The following POMZP3 variants were observed in gnomAD, a reference collection of about 807,000 sequenced individuals.
POMZP3 encodes POM121 and ZP3 fusion.
A neutral mutation model predicts 19.8 loss-of-function variants in POMZP3; 10 were observed. That is an observed-to-expected ratio of 0.51 (90% CI 0.31 to 0.86). POMZP3 has a LOEUF of 0.86. Among genes scored for constraint, POMZP3 ranks in the 40% least tolerant of loss-of-function variants. POMZP3 has a pLI of 0.04. For missense variants in POMZP3, 152 were observed against 228.1 expected (o/e 0.67, Z 2.15); for synonymous variants, 57 against 85.8 (o/e 0.66, Z 1.85).
chr7:76,625,684 C>T lies in POMZP3; in HGVS notation c.66-1G>A. The T allele has an allele frequency of 6.2e-7, 1 of 1,613,062 alleles. No individual in the cohort carries two copies. The highest frequency in any genetic ancestry group is 8.5e-7 in the Non-Finnish European group (1 of 1,179,548). On this transcript the variant is annotated splice_acceptor_variant, in intron 2 of 6. Transcript: ENST00000310842. LOFTEE classifies it high-confidence loss of function. Reference sequence around the variant, plus strand: ...TGTTGAGCTGATTATCTGCTCTGGTCTATAATGAAAGACAGGATTCTAGCA... The same window carrying T: ...TGTTGAGCTGATTATCTGCTCTGGTTTATAATGAAAGACAGGATTCTAGCA...
rs752303123 is a variant in POMZP3, at chr7:76,620,860, C to CTTTTTTTT, written c.228-2561_228-2560insAAAAAAAA. On this transcript the variant is annotated intron_variant, in intron 3 of 6. Coordinates refer to ENST00000310842, the MANE Select transcript of POMZP3 (RefSeq NM_012230.5). ...GGTTTACTCCTCAGGGCTGTAAAGC[C>CTTTTTTTT]ATTTTTTTTTTTTTTTTTTTTTTTT... 1.0e-3 allele frequency among the ~76,000 whole-genome samples: 102 copies of CTTTTTTTT among 100,226 alleles called. 1 individual carries two copies. The highest frequency in any genetic ancestry group is 1.4e-3 in the Non-Finnish European group (75 of 52,792). 65.8% of individuals were successfully genotyped at this position (100,226 alleles called of 152,430 possible). A position where few individuals can be genotyped will look rare whatever the true frequency, so the allele number is the denominator to read the frequency against.
intron 3 of POMZP3, among the ~76,000 whole-genome samples, chr7:76,622,880 T>C (rs1031728965): frequency 1.7e-4 from 26 of 151,930 alleles, no homozygotes; most frequent in African/African-American, 6.3e-4. Context: ...TCCTTTTTTT[T>C]TTTCTTTTTG....
At chr7:76,614,564 CA>C (rs749162077) in intron 4 of POMZP3, among the ~76,000 whole-genome samples, 653 of 47,836 alleles carry the variant, frequency 0.014, 145 homozygotes, top group Non-Finnish European at 0.021. Context: ...CCATTTCCCC[CA>C]AAAAAAAAAA....
intron 3 of POMZP3, among the ~76,000 whole-genome samples, chr7:76,618,811 T>C (rs917999865): frequency 2.0e-5 from 3 of 151,800 alleles, no homozygotes; most frequent in Admixed American, 2.0e-4. Context: ...ATTTATTTAT[T>C]TTTTGAGACA....
At chr7:76,612,906 A>T (rs1815161206) in intron 4 of POMZP3, among the ~76,000 whole-genome samples, 1 of 80,726 alleles carries the variant, frequency 1.2e-5, no homozygotes, top group Non-Finnish European at 2.4e-5. Flanking sequence ...TTTCAGACTT[A>T]AGAGGTTTTT....
At chr7:76,615,980 A>G (rs1250084893) in intron 4 of POMZP3, among the ~76,000 whole-genome samples, 1 of 63,288 alleles carries the variant, frequency 1.6e-5, no homozygotes, top group Non-Finnish European at 3.1e-5. Context: ...TCTCAAAAAA[A>G]AAAAAAAAAG....
chr7:76,622,136 G>A (rs1815598786), intron 3 of POMZP3, among the ~76,000 whole-genome samples: 1 of 146,340 alleles, frequency 6.8e-6, no homozygotes, highest in African/African-American at 2.5e-5. Flanking sequence ...AAAAAGGGGA[G>A]GCATGAATAA....
At chr7:76,617,452 C>A (rs1483445486) in intron 4 of POMZP3, among the ~76,000 whole-genome samples, 5 of 79,280 alleles carry the variant, frequency 6.3e-5, no homozygotes, top group Admixed American at 2.5e-4. Flanking sequence ...AAGGGGAGGA[C>A]CCAGACTGGC....
chr7:76,621,538 G>C (rs1043412328), intron 3 of POMZP3: 7 of 151,774 alleles, frequency 4.6e-5, no homozygotes, highest in African/African-American at 1.7e-4. Context: ...ATAAAATGAG[G>C]CTGAGACCTA....
Position 76,617,019 on chromosome 7 carries a change from G to T in POMZP3, c.345+1164C>A, listed in dbSNP as rs1267974503. Reference sequence around the variant, plus strand: ...CTAGAAATACAAAAAAATTAGCCAGGCATGGTGGCGGGTACCTGTACTCCC... The same window carrying T: ...CTAGAAATACAAAAAAATTAGCCAGTCATGGTGGCGGGTACCTGTACTCCC... On this transcript the variant is annotated intron_variant, in intron 4 of 6. Transcript: ENST00000310842. Among the ~76,000 whole-genome samples, 3 of 95,248 alleles carry T rather than the reference G, an allele frequency of 3.1e-5. 1 individual carries two copies. The highest frequency in any genetic ancestry group is 6.9e-5 in the Non-Finnish European group (3 of 43,756). 62.5% of individuals were successfully genotyped at this position (95,248 alleles called of 152,430 possible).
intron 4 of POMZP3, among the ~76,000 whole-genome samples, chr7:76,613,501 C>G (rs113703503): frequency 0.3 from 23,959 of 79,474 alleles, 5,433 homozygotes; most frequent in African/African-American, 0.47. Context: ...GCACTGCCCC[C>G]CTACCCTTTT....
At chr7:76,611,347 C>G in intron 6 of POMZP3, 107 bp downstream of exon 6, 1 of 1,157,308 alleles carries the variant, frequency 8.6e-7, no homozygotes, top group Non-Finnish European at 1.2e-6. Context: ...TAGGTACAAA[C>G]AGTTTTAATG....
In POMZP3 at chr7:76,625,658, G is replaced by GT. The variant is rs1227468241; in HGVS notation, c.90dup (p.Leu31ThrfsTer7). 6.2e-7 allele frequency: 1 copy of GT among 1,613,766 alleles called. No individual in the cohort carries two copies. The highest frequency in any genetic ancestry group is 1.3e-5 in the African/African-American group (1 of 74,898). ...GGGGCATTACTTGATGGTGAGGACAGTGTTGAGCTGATTATCTGCTCTGGT... is the reference window on the plus strand; with the variant it reads ...GGGGCATTACTTGATGGTGAGGACAGTTGTTGAGCTGATTATCTGCTCTGGT... On this transcript the variant is annotated frameshift_variant, in exon 3 of 7. Transcript: ENST00000310842. LOFTEE classifies it high-confidence loss of function.
At chr7:76,624,140 A>G (rs1294163734) in intron 3 of POMZP3, among the ~76,000 whole-genome samples, 1 of 88,364 alleles carries the variant, frequency 1.1e-5, no homozygotes, top group Non-Finnish European at 2.2e-5. Context: ...TGCTAATATA[A>G]AAAAAGTATA....
rs551116473 is a variant in POMZP3, at chr7:76,616,450, A to C, written c.345+1733T>G. ...GAGACTCTACAATCAGTATTTTTAC[A>C]ACCTCTCCAGATGATTAGTATAGAG... On this transcript the variant is annotated intron_variant, in intron 4 of 6. Coordinates refer to ENST00000310842, the MANE Select transcript of POMZP3 (RefSeq NM_012230.5). 2.4e-3 allele frequency among the ~76,000 whole-genome samples: 242 copies of C among 101,090 alleles called. 47 individuals carry two copies. The highest frequency in any genetic ancestry group is 9.0e-3 in the African/African-American group (231 of 25,526). The allele number at this position is 101,090 out of a possible 152,430, so 66.3% of individuals were successfully genotyped here.
chr7:76,619,342 C>T (rs1345994937), intron 3 of POMZP3, among the ~76,000 whole-genome samples: 6 of 152,128 alleles, frequency 3.9e-5, no homozygotes, highest in East Asian at 3.9e-4. Context: ...GAGCCGAGAT[C>T]GTGCCATTGC....
intron 3 of POMZP3, among the ~76,000 whole-genome samples, chr7:76,621,684 T>G (rs1435623171): frequency 6.6e-6 from 1 of 151,660 alleles, no homozygotes; most frequent in African/African-American, 2.4e-5. Flanking sequence ...CTCACGCCTG[T>G]AATCCCAGCA....
In POMZP3 at chr7:76,616,140, C is replaced by T. The variant is rs557771851; in HGVS notation, c.345+2043G>A. Among the ~76,000 whole-genome samples, 150 of 136,456 alleles carry T rather than the reference C, an allele frequency of 1.1e-3. 2 individuals carry two copies. The highest frequency in any genetic ancestry group is 1.9e-3 in the Non-Finnish European group (117 of 62,500). The allele number at this position is 136,456 out of a possible 152,430, so 89.5% of individuals were successfully genotyped here. On this transcript the variant is annotated intron_variant, in intron 4 of 6. Coordinates refer to ENST00000310842, the MANE Select transcript of POMZP3 (RefSeq NM_012230.5). ...TCTACTAAGAAATACAAGGATTAGC[C>T]GGGCATGGTGGCAGGCGCCTGCAAT...
rs569209881 is a variant in POMZP3, at chr7:76,616,089, C to T, written c.345+2094G>A. 6.7e-4 allele frequency among the ~76,000 whole-genome samples: 81 copies of T among 121,494 alleles called. 3 individuals carry two copies. The highest frequency in any genetic ancestry group is 2.5e-3 in the African/African-American group (78 of 31,362). 79.7% of individuals were successfully genotyped at this position (121,494 alleles called of 152,430 possible). A position where few individuals can be genotyped will look rare whatever the true frequency, so the allele number is the denominator to read the frequency against. On this transcript the variant is annotated intron_variant, in intron 4 of 6. Transcript: ENST00000310842. Reference sequence around the variant, plus strand: ...AATGAGGTCAAGAGTTCAAGACCAGCCTGGCCAAAATGATGAAACCCTGTC... The same window carrying T: ...AATGAGGTCAAGAGTTCAAGACCAGTCTGGCCAAAATGATGAAACCCTGTC...
Sources: allele counts gnomAD v4.1 joint callset (sites outside exome capture counted in the v4.1 genomes callset), GRCh38; gene constraint gnomAD v4.1.1; transcripts MANE v1.5; gene names NCBI Gene and HGNC (gene_info 2026-07-23, HGNC 2026-07-21).